CWH43: variants seen among roughly 807,000 people sequenced by gnomAD.
CWH43 encodes PGAP2-interacting protein.
In CWH43, 91 loss-of-function variants were observed where a neutral mutation model predicts 85.7. The ratio of observed to expected loss-of-function variants is 1.06; its 90% confidence interval spans 0.90 to 1.26. The LOEUF (loss-of-function observed/expected upper bound fraction) is 1.26. Among genes scored for constraint, CWH43 ranks in the 50% most tolerant of loss-of-function variants. CWH43 has a pLI of 0.00. For missense variants in CWH43, 869 were observed against 839.2 expected, an observed-to-expected ratio of 1.04 and a Z score of -0.44; for synonymous variants, 323 against 293.6, an observed-to-expected ratio of 1.10 and a Z score of -1.02.
At chr4:49,020,416 C>CACACATACACACATAT (rs140534523) in intron 9 of CWH43, among the ~76,000 whole-genome samples, 1 of 128,340 alleles carries the variant, frequency 7.8e-6, no homozygotes, top group Non-Finnish European at 1.7e-5. Context: ...CACACACACA[C>CACACATACACACATAT]ATATATATAT....
chr4:49,052,945 C>T (rs1405669447), intron 15 of CWH43, among the ~76,000 whole-genome samples: 1 of 152,156 alleles, frequency 6.6e-6, no homozygotes, highest in East Asian at 1.9e-4. Context: ...TCTCAACCCT[C>T]ATCTCCCCCA....
chr4:49,061,831 G>T lies in CWH43; in HGVS notation c.2041G>T (p.Gly681Ter). 7.2e-7 allele frequency: 1 copy of T among 1,389,902 alleles called. No homozygotes were observed. The highest frequency in any genetic ancestry group is 9.6e-7 in the Non-Finnish European group (1 of 1,046,298). The allele number at this position is 1,389,902 out of a possible 1,614,324, so 86.1% of individuals were successfully genotyped here. The change falls in exon 16 of 16, where the codon GGA (glycine) becomes TGA (stop). Residue 681 changes from glycine to a stop codon, truncating the protein, a stop_gained. Coordinates refer to ENST00000226432, the MANE Select transcript of CWH43 (RefSeq NM_025087.3). LOFTEE classifies it high-confidence loss of function. ...TTTTAGATTTGGATCCTACAAAGAAGGACACAATTATGAAAACAACCATCA... is the reference window on the plus strand; with the variant it reads ...TTTTAGATTTGGATCCTACAAAGAATGACACAATTATGAAAACAACCATCA... ...FNPRFGSYKE[G>*]HNYENNHHFH... is the part of the protein sequence containing the mutation.
chr4:49,039,320 T>TATATATATATATATATATATATATACTG lies in CWH43; in HGVS notation c.1803+1153_1803+1154insTATATATATATACTGATATATATATATA, dbSNP rs71191284. 9.3e-4 allele frequency among the ~76,000 whole-genome samples: 28 copies of TATATATATATATATATATATATATACTG among 30,236 alleles called. 6 individuals carry two copies. Among genetic ancestry groups the TATATATATATATATATATATATATACTG allele is most frequent in the Admixed American group, 2.7e-3 (3 of 1,124 alleles). The allele number at this position is 30,236 out of a possible 152,430, so 19.8% of individuals were successfully genotyped here. ...CTCAGGAGACTGATATATATATATA[T>TATATATATATATATATATATATATACTG]ATATATATATATACTGATGTATATA... On this transcript the variant is annotated intron_variant, in intron 13 of 15. Transcript: ENST00000226432.
chr4:49,037,534 C>T (rs1453107089), intron 12 of CWH43, among the ~76,000 whole-genome samples: 1 of 150,664 alleles, frequency 6.6e-6, no homozygotes, highest in Non-Finnish European at 1.5e-5. Flanking sequence ...TGTGCCATTG[C>T]ACTCCAGTCC....
chr4:49,051,725 C>T (rs537371739), intron 15 of CWH43, among the ~76,000 whole-genome samples: 7 of 152,002 alleles, frequency 4.6e-5, no homozygotes, highest in Admixed American at 6.6e-5. Flanking sequence ...TACAGGTGCA[C>T]GCCCTGATGC....
intron 4 of CWH43, among the ~76,000 whole-genome samples, chr4:48,993,856 G>A (rs1303418337): frequency 6.6e-6 from 1 of 152,104 alleles, no homozygotes; most frequent in Non-Finnish European, 1.5e-5. Flanking sequence ...CCAGGTTCAA[G>A]CGATTCTCCT....
In CWH43 at chr4:49,013,625, T is replaced by G. The variant is rs528697979; in HGVS notation, c.1187-3624T>G. On this transcript the variant is annotated intron_variant, in intron 8 of 15. Coordinates refer to ENST00000226432, the MANE Select transcript of CWH43 (RefSeq NM_025087.3). Reference sequence around the variant, plus strand: ...AGCTGTTCCTATTCGTCCATCTATTTCTCTACTTTTTTTTTTGTACTTTAA... The same window carrying G: ...AGCTGTTCCTATTCGTCCATCTATTGCTCTACTTTTTTTTTTGTACTTTAA... Among the ~76,000 whole-genome samples the G allele has an allele frequency of 2.0e-4, 20 of 101,288 alleles. 2 individuals carry two copies. In the East Asian group the frequency reaches 4.3e-3, roughly 22 times the overall value. The allele number at this position is 101,288 out of a possible 152,430, so 66.4% of individuals were successfully genotyped here.
chr4:49,052,741 G>A (rs1010138613), intron 15 of CWH43, among the ~76,000 whole-genome samples: 4 of 152,034 alleles, frequency 2.6e-5, no homozygotes, highest in Non-Finnish European at 4.4e-5. Flanking sequence ...ATAAATAGAA[G>A]GCATGCCTTA....
Position 49,044,787 on chromosome 4 carries a change from A to T in CWH43, c.1805A>T (p.Asp602Val). ...ATTCTCCTCTCTGCTCTTTATTAGG[A>T]TATCGACAGCACTGATCATGACAGA... ...LQLTEHGNVK[D>V]IDSTDHDRWC... Residue 602 changes from aspartate (D) to valine (V), a missense_variant and splice_region_variant, in exon 14 of 16, where the codon GAT (aspartate) becomes GTT (valine). Transcript: ENST00000226432. 1 of 1,612,454 alleles carries T rather than the reference A, an allele frequency of 6.2e-7. No homozygotes were observed. Among genetic ancestry groups the T allele is most frequent in the Non-Finnish European group, 8.5e-7 (1 of 1,178,874 alleles).
At chr4:49,047,090 G>T (rs1005859351) in intron 14 of CWH43, among the ~76,000 whole-genome samples, 12 of 152,170 alleles carry the variant, frequency 7.9e-5, no homozygotes, top group Non-Finnish European at 4.4e-5. Flanking sequence ...CGACGTTAAT[G>T]GATCTCTTTA....
At chr4:49,038,254 CA>C in intron 13 of CWH43, 74 bp downstream of exon 13, 1 of 1,327,994 alleles carries the variant, frequency 7.5e-7, no homozygotes, top group South Asian at 1.6e-5. Context: ...TTAAAAAAAC[CA>C]ACCTCACCTA....
At chr4:48,991,410 C>T (rs754788295) in intron 2 of CWH43, 44 bp from the exon 3 acceptor site, 1 of 1,610,180 alleles carries the variant, frequency 6.2e-7, no homozygotes, top group African/African-American at 1.3e-5. Flanking sequence ...GAGTTCCAAT[C>T]CATACTTGCC....
chr4:49,007,181 CT>C lies in CWH43; in HGVS notation c.1061-17del. 6.3e-7 allele frequency: 1 copy of C among 1,596,222 alleles called. No homozygotes were observed. Among genetic ancestry groups the C allele is most frequent in the African/African-American group, 1.3e-5 (1 of 74,136 alleles). On this transcript the variant is annotated intron_variant, in intron 7 of 15. Coordinates refer to ENST00000226432, the MANE Select transcript of CWH43 (RefSeq NM_025087.3). Reference sequence around the variant, plus strand: ...TTTTTGGATCAGACTATAACATATTCTTTCTTTCTCTTATAACAGGGACAAT... The same window carrying C: ...TTTTTGGATCAGACTATAACATATTCTTCTTTCTCTTATAACAGGGACAAT...
At chr4:49,030,455 A>G (rs1490665169) in intron 10 of CWH43, among the ~76,000 whole-genome samples, 4 of 152,222 alleles carry the variant, frequency 2.6e-5, no homozygotes, top group East Asian at 1.9e-4. Flanking sequence ...GGTCAGTACT[A>G]TGGAGCTGTT....
At chr4:49,012,751 G>C (rs753954349) in intron 8 of CWH43, among the ~76,000 whole-genome samples, 2 of 152,170 alleles carry the variant, frequency 1.3e-5, no homozygotes, top group Admixed American at 6.5e-5. Context: ...AGGTCTGTTG[G>C]AGTTTGCTGG....
At chr4:49,029,408 G>A (rs1439214752) in intron 10 of CWH43, among the ~76,000 whole-genome samples, 1 of 152,156 alleles carries the variant, frequency 6.6e-6, no homozygotes, top group Non-Finnish European at 1.5e-5. Context: ...AAGCCACAGG[G>A]GCCTCTGCCC....
At chr4:48,990,214 T>C (rs1448250392) in intron 2 of CWH43, among the ~76,000 whole-genome samples, 3 of 152,194 alleles carry the variant, frequency 2.0e-5, no homozygotes, top group Non-Finnish European at 2.9e-5. Flanking sequence ...CCTATTCCCT[T>C]TTCACTTTCT....
intron 9 of CWH43, among the ~76,000 whole-genome samples, chr4:49,023,552 T>C (rs935425679): frequency 4.2e-4 from 64 of 152,124 alleles, no homozygotes; most frequent in African/African-American, 1.5e-3. Flanking sequence ...ATTTTGTATT[T>C]TTAGTAGAGA....
chr4:49,031,702 G>A lies in CWH43; in HGVS notation c.1508+742G>A, dbSNP rs144203521. ...AGATGATAGGTGGAATAGCACAGAT[G>A]AGAGATGACAATGGGAACAGTGGAG... On this transcript the variant is annotated intron_variant, in intron 11 of 15. Transcript: ENST00000226432. Among the ~76,000 whole-genome samples, 109 of 152,322 alleles carry A rather than the reference G, an allele frequency of 7.2e-4. 1 individual carries two copies. The highest frequency in any genetic ancestry group is 2.5e-3 in the African/African-American group (105 of 41,576).
Sources: allele counts gnomAD v4.1 joint callset (sites outside exome capture counted in the v4.1 genomes callset), GRCh38; gene constraint gnomAD v4.1.1; transcripts MANE v1.5; gene names NCBI Gene and HGNC (gene_info 2026-07-23, HGNC 2026-07-21).